The following DLG5 variants were observed in gnomAD, a reference collection of about 807,000 sequenced individuals.
DLG5 encodes discs large MAGUK scaffold protein 5, also known as disks large homolog 5.
In DLG5, 48 loss-of-function variants were observed where a neutral mutation model predicts 189.8. That is an observed-to-expected ratio of 0.25 (90% CI 0.20 to 0.32). The LOEUF (loss-of-function observed/expected upper bound fraction) is 0.32. DLG5 is among the 10% of genes least tolerant of loss of function. The pLI is 1.00. For missense variants in DLG5, 2,160 were observed against 2,544.7 expected (o/e 0.85, Z 3.25); for synonymous variants, 1,016 against 1,054.1 (o/e 0.96, Z 0.70).
At position 77,809,590 on chromosome 10, in the gene DLG5, G is replaced by A. The variant is rs780563106; in HGVS notation, c.4604C>T (p.Ala1535Val). Residue 1535 changes from alanine to valine, a missense_variant, in exon 24 of 32, where the codon GCC (alanine) becomes GTC (valine). Physicochemically the swap from Ala to Val is moderately conservative, Grantham distance 64. Transcript: ENST00000372391. ...TGGCACGAGGCCGTCAGGACCCTTGGCAGGACTGTCATCCTCCACCTCGGC... is the reference window on the plus strand; with the variant it reads ...TGGCACGAGGCCGTCAGGACCCTTGACAGGACTGTCATCCTCCACCTCGGC... The part of the protein sequence containing the change: ...FVAEVEDDSP[A>V]KGPDGLVPGD... 2.2e-5 allele frequency: 36 copies of A among 1,614,012 alleles called. No individual in the cohort carries two copies. Among genetic ancestry groups the A allele is most frequent in the Non-Finnish European group, 3.0e-5 (35 of 1,180,034 alleles).
rs2289310 is a variant in DLG5, at chr10:77,811,115, G to C, written c.4442C>G (p.Pro1481Arg). The stretch of plus-strand genomic sequence containing the variant: ...TGACCTGGAGCTGCTCTGCTTGGCT[G>C]GGGGGGTGCTAGGCCCCTCGTCCTG... Reference protein sequence around the residue: ...MEQDEGPSTPPAKQSSSRIAG... With the variant: ...MEQDEGPSTPRAKQSSSRIAG... The change falls in exon 23 of 32, where the codon CCA becomes CGA. Residue 1481 changes from proline (P) to arginine (R), a missense_variant. Transcript: ENST00000372391. 9.3e-6 allele frequency: 15 copies of C among 1,610,830 alleles called. No homozygotes were observed. Among genetic ancestry groups the C allele is most frequent in the South Asian group, 3.3e-5 (3 of 90,886 alleles).
chr10:77,830,782 T>C lies in DLG5; in HGVS notation c.1840A>G (p.Met614Val), dbSNP rs763735289. The change falls in exon 10 of 32, where the codon ATG becomes GTG. Residue 614 changes from methionine to valine, a missense_variant. By Grantham distance (21) the Met-to-Val change is conservative (BLOSUM62 1). Coordinates refer to ENST00000372391, the MANE Select transcript of DLG5 (RefSeq NM_004747.4). Reference sequence around the variant, plus strand: ...TCTACAACTTCCGTTTCCCACTCCATGGAATCCGTGTCAATGGCCGAGTCG... The same window carrying C: ...TCTACAACTTCCGTTTCCCACTCCACGGAATCCGTGTCAATGGCCGAGTCG... ...SHDSAIDTDSMEWETEVVEFE... is the reference protein window; with the variant it reads ...SHDSAIDTDSVEWETEVVEFE... The C allele has an allele frequency of 6.2e-7, 1 of 1,614,194 alleles. No individual in the cohort carries two copies. The highest frequency in any genetic ancestry group is 1.1e-5 in the South Asian group (1 of 91,084).
chr10:77,904,883 C>T (rs1846029378), intron 1 of DLG5, among the ~76,000 whole-genome samples: 1 of 151,512 alleles, frequency 6.6e-6, no homozygotes, highest in Admixed American at 6.6e-5. Context: ...AATCCCAACA[C>T]TTTGAGAGGC....
At chr10:77,921,220 C>G (rs923723728) in intron 1 of DLG5, among the ~76,000 whole-genome samples, 1 of 152,054 alleles carries the variant, frequency 6.6e-6, no homozygotes. Context: ...AACAAAAGAA[C>G]CAAAAGAAAA....
chr10:77,906,524 C>A (rs1414598568), intron 1 of DLG5, among the ~76,000 whole-genome samples: 2 of 151,662 alleles, frequency 1.3e-5, no homozygotes, highest in African/African-American at 4.8e-5. Flanking sequence ...CACTGGCCTA[C>A]AAAATGCCAT....
At chr10:77,829,113 G>A in intron 12 of DLG5, 128 bp from the exon 13 acceptor site, 2 of 1,103,196 alleles carry the variant, frequency 1.8e-6, no homozygotes, top group Non-Finnish European at 2.6e-6. Flanking sequence ...GTCTACGCCT[G>A]CACCCTGCCC....
chr10:77,795,217 C>T (rs1840848888), intron 29 of DLG5, among the ~76,000 whole-genome samples: 1 of 152,236 alleles, frequency 6.6e-6, no homozygotes, highest in South Asian at 2.1e-4. Context: ...TCCTTTCCCG[C>T]CTTTGCCCAG....
In DLG5 at chr10:77,830,781, A is replaced by G. The variant is rs776185415; in HGVS notation, c.1841T>C (p.Met614Thr). Reference sequence around the variant, plus strand: ...CTCTACAACTTCCGTTTCCCACTCCATGGAATCCGTGTCAATGGCCGAGTC... The same window carrying G: ...CTCTACAACTTCCGTTTCCCACTCCGTGGAATCCGTGTCAATGGCCGAGTC... ...SHDSAIDTDS[M>T]EWETEVVEFE... is the part of the protein sequence containing the mutation. Residue 614 changes from methionine to threonine, a missense_variant, in exon 10 of 32, where the codon ATG (methionine) becomes ACG (threonine). Physicochemically the swap from Met to Thr is moderately conservative, Grantham distance 81. Transcript: ENST00000372391. 4 of 1,614,174 alleles carry G rather than the reference A, an allele frequency of 2.5e-6. No individual in the cohort carries two copies. The highest frequency in any genetic ancestry group is 1.7e-5 in the Admixed American group (1 of 60,020).
chr10:77,806,724 GCCCCA>G, intron 26 of DLG5, 29 bp downstream of exon 26: 22 of 1,015,502 alleles, frequency 2.2e-5, no homozygotes, highest in Middle Eastern at 2.7e-4. Flanking sequence ...GGCGACCCCT[GCCCCA>G]CCCCACCCCA....
At chr10:77,811,791 A>C (rs1841785434) in intron 22 of DLG5, 133 bp downstream of exon 22, 8 of 1,311,112 alleles carry the variant, frequency 6.1e-6, no homozygotes, top group Non-Finnish European at 7.1e-6. Flanking sequence ...AGGGCTGGTC[A>C]ACTCTCTCTT....
chr10:77,916,914 T>TATATATATATATAC (rs1385667736), intron 1 of DLG5, among the ~76,000 whole-genome samples: 1 of 145,340 alleles, frequency 6.9e-6, no homozygotes, highest in Non-Finnish European at 1.5e-5. Context: ...AATATATATA[T>TATATATATATATAC]ATATATATAT....
At chr10:77,901,536 C>T (rs2154577886) in intron 1 of DLG5, among the ~76,000 whole-genome samples, 1 of 152,342 alleles carries the variant, frequency 6.6e-6, no homozygotes, top group East Asian at 1.9e-4. Flanking sequence ...AAGACTGCTG[C>T]ATCGCATCAG....
chr10:77,830,170 G>GA, intron 11 of DLG5, 47 bp downstream of exon 11: 1 of 1,611,538 alleles, frequency 6.2e-7, no homozygotes, highest in South Asian at 1.1e-5. Flanking sequence ...TCTGCACTGG[G>GA]AAGAAGGGCC....
chr10:77,810,690 C>T (rs1305091084), intron 23 of DLG5, among the ~76,000 whole-genome samples: 1 of 152,222 alleles, frequency 6.6e-6, no homozygotes, highest in Non-Finnish European at 1.5e-5. Context: ...CCGGCAGTGC[C>T]CTCCCAGCAC....
intron 20 of DLG5, among the ~76,000 whole-genome samples, chr10:77,815,690 GC>G (rs1470999677): frequency 2.6e-5 from 4 of 152,078 alleles, no homozygotes; most frequent in African/African-American, 7.2e-5. Flanking sequence ...TTAACATAGG[GC>G]CCACCCCTGC....
intron 2 of DLG5, among the ~76,000 whole-genome samples, chr10:77,863,292 C>A (rs75133980): frequency 6.6e-6 from 1 of 151,732 alleles, no homozygotes; most frequent in East Asian, 1.9e-4. Flanking sequence ...AGCGACAGGG[C>A]CCCACTATGT....
In DLG5 at chr10:77,809,662, T is replaced by C; in HGVS notation, c.4532A>G (p.Glu1511Gly). 6.2e-7 allele frequency: 1 copy of C among 1,614,110 alleles called. No individual in the cohort carries two copies. The highest frequency in any genetic ancestry group is 8.5e-7 in the Non-Finnish European group (1 of 1,179,992). Residue 1511 changes from glutamate (E) to glycine (G), a missense_variant, in exon 24 of 32, where the codon GAG (glutamate) becomes GGG (glycine). Glu to Gly is a moderately conservative substitution (Grantham distance 98, BLOSUM62 -2). Transcript: ENST00000372391. ...RVVFIKKSQL[E>G]LGVHLCGGNL... is the part of the protein sequence containing the mutation. Reference sequence around the variant, plus strand: ...CCCACCACACAAGTGCACCCCAAGCTCCAGCTGGGACTTTTTGATGAAGAC... The same window carrying C: ...CCCACCACACAAGTGCACCCCAAGCCCCAGCTGGGACTTTTTGATGAAGAC...
intron 6 of DLG5, among the ~76,000 whole-genome samples, 166 bp downstream of exon 6, chr10:77,843,281 A>C (rs1289855585): frequency 6.6e-6 from 1 of 152,204 alleles, no homozygotes; most frequent in East Asian, 1.9e-4. Flanking sequence ...GGGAAGAGGG[A>C]GCCACGATTC....
In DLG5 at chr10:77,794,090, C is replaced by T. The variant is rs538641768; in HGVS notation, c.5574G>A (p.Arg1858=). 6.2e-7 allele frequency: 1 copy of T among 1,614,186 alleles called. No homozygotes were observed. Among genetic ancestry groups the T allele is most frequent in the South Asian group, 1.1e-5 (1 of 91,086 alleles). ...TGGAATGCCTCTGAGTCACCTTGTC[C>T]CTCAGGTAGATGGGGTCTCTCTGCT... ...IKEQRDPIYL[R]DKVTQRHSKE... The change falls in exon 31 of 32, where the codon AGG becomes AGA. Residue 1858 remains arginine, a synonymous_variant. Transcript: ENST00000372391.
Sources: gnomAD v4.1 joint callset for allele counts (sites outside exome capture counted in the v4.1 genomes callset) on GRCh38, gnomAD v4.1.1 for gene constraint, MANE v1.5 for transcripts, NCBI Gene and HGNC (gene_info 2026-07-23, HGNC 2026-07-21) for gene names.